The following STARD9 variants were observed in gnomAD, a reference collection of about 807,000 sequenced individuals.
STARD9 encodes the protein stAR-related lipid transfer protein 9.
Under a neutral mutation model 399.8 loss-of-function variants are expected in STARD9, and 346 were observed. That is an observed-to-expected ratio of 0.87 (90% CI 0.79 to 0.95). The LOEUF (loss-of-function observed/expected upper bound fraction) is 0.95. Among genes scored for constraint, STARD9 ranks in the 40% least tolerant of loss-of-function variants. STARD9 has a pLI of 0.00. For synonymous variants in STARD9, 2,203 were observed against 2,143.5 expected (o/e 1.03, Z -0.77); for missense variants, 5,832 against 5,667.5 (o/e 1.03, Z -0.93).
chr15:42,659,883 T>C (rs2059959936), intron 9 of STARD9, among the ~76,000 whole-genome samples: 1 of 152,208 alleles, frequency 6.6e-6, no homozygotes, highest in South Asian at 2.1e-4. Context: ...CTTAGGTGTT[T>C]ATCCAAGAGC....
At chr15:42,656,316 C>T (rs2059869649) in intron 9 of STARD9, among the ~76,000 whole-genome samples, 1 of 115,388 alleles carries the variant, frequency 8.7e-6, no homozygotes, top group Non-Finnish European at 1.7e-5. Context: ...CACTGCACTC[C>T]AGCCATCTCC....
intron 26 of STARD9, among the ~76,000 whole-genome samples, chr15:42,701,928 G>C (rs891809220): frequency 1.8e-4 from 26 of 148,490 alleles, no homozygotes; most frequent in African/African-American, 5.5e-4. Context: ...CGGGAGGGTG[G>C]AGGTTGCAGT....
At chr15:42,622,975 G>C (rs1251826593) in intron 3 of STARD9, among the ~76,000 whole-genome samples, 1 of 152,150 alleles carries the variant, frequency 6.6e-6, no homozygotes, top group Non-Finnish European at 1.5e-5. Flanking sequence ...ATCAGGGCCA[G>C]GCGTGGTAGC....
chr15:42,682,709 C>T lies in STARD9; in HGVS notation c.2537+134C>T, dbSNP rs143379946. On this transcript the variant is annotated intron_variant, in intron 22 of 32. Coordinates refer to ENST00000290607, the MANE Select transcript of STARD9 (RefSeq NM_020759.3). ...GAAGAATGTGTATATTTCTCTCTTC[C>T]TCATGACTTTTTCCATCTTCTGGTT... 4,917 of 743,860 alleles carry T rather than the reference C, an allele frequency of 6.6e-3. 26 individuals are homozygous for T. The highest frequency in any genetic ancestry group is 9.0e-3 in the Non-Finnish European group (4,222 of 469,764). The allele number at this position is 743,860 out of a possible 1,614,324, so 46.1% of individuals were successfully genotyped here.
chr15:42,581,458 G>A (rs1045398891), intron 1 of STARD9: 1 of 1,529,514 alleles, frequency 6.5e-7, no homozygotes, highest in South Asian at 1.2e-5. Flanking sequence ...CTCTGGCTGG[G>A]CTGGTGGCCG....
chr15:42,707,660 C>T (rs1323538795), intron 26 of STARD9, among the ~76,000 whole-genome samples: 2 of 151,868 alleles, frequency 1.3e-5, no homozygotes, highest in South Asian at 2.1e-4. Flanking sequence ...TTAGTGGAGA[C>T]GGACTTTTAC....
rs749803291 is a variant in STARD9, at chr15:42,584,823, C to T, written c.118-698C>T. On this transcript the variant is annotated intron_variant, in intron 2 of 32. Coordinates refer to ENST00000290607, the MANE Select transcript of STARD9 (RefSeq NM_020759.3). ...TCAGGCACCATGGCCAAACTACTCA[C>T]GTACTCCCAGTATCCTCTGCAGAAA... 3.3e-5 allele frequency among the ~76,000 whole-genome samples: 5 copies of T among 152,164 alleles called. No individual in the cohort carries two copies. In the East Asian group the frequency reaches 7.7e-4, roughly 23 times the overall value.
chr15:42,637,079 T>TG (rs1555394893), intron 4 of STARD9, among the ~76,000 whole-genome samples: 2 of 144,294 alleles, frequency 1.4e-5, no homozygotes, highest in Non-Finnish European at 3.0e-5. Context: ...AAATAATAAT[T>TG]AAAAAAAAAA....
chr15:42,692,433 A>G lies in STARD9; in HGVS notation c.10855A>G (p.Met3619Val). 1.3e-6 allele frequency: 2 copies of G among 1,537,106 alleles called. No individual in the cohort carries two copies. Among genetic ancestry groups the G allele is most frequent in the Non-Finnish European group, 1.7e-6 (2 of 1,146,902 alleles). ...GSAAGPVDEI[M>V]LLYPSEAGCP... The stretch of plus-strand genomic sequence containing the variant: ...TGCTGCAGGTCCAGTGGATGAGATT[A>G]TGCTGCTGTATCCATCAGAGGCAGG... The change falls in exon 23 of 33, where the codon ATG (methionine) becomes GTG (valine). Residue 3619 changes from methionine (M) to valine (V), a missense_variant. Coordinates refer to ENST00000290607, the MANE Select transcript of STARD9 (RefSeq NM_020759.3).
Position 42,663,853 on chromosome 15 carries a change from C to T in STARD9, c.1112C>T (p.Thr371Ile), listed in dbSNP as rs2060037323. The T allele has an allele frequency of 5.9e-6, 9 of 1,536,848 alleles. No homozygotes were observed. Among genetic ancestry groups the T allele is most frequent in the Non-Finnish European group, 7.8e-6 (9 of 1,146,656 alleles). Residue 371 changes from threonine (T) to isoleucine (I), a missense_variant, in exon 13 of 33, where the codon ACC becomes ATC. Coordinates refer to ENST00000290607, the MANE Select transcript of STARD9 (RefSeq NM_020759.3). ...CCTGCACACACTAGCTACAGTGAGA[C>T]CATGAGCACACTGAGATATGCATCC... ...VSPAHTSYSETMSTLRYASSA... is the reference protein window; with the variant it reads ...VSPAHTSYSEIMSTLRYASSA...
chr15:42,686,188 G>C lies in STARD9; in HGVS notation c.4610G>C (p.Arg1537Thr). The C allele has an allele frequency of 1.3e-6, 2 of 1,537,548 alleles. No homozygotes were observed. The highest frequency in any genetic ancestry group is 1.4e-5 in the African/African-American group (1 of 73,162). Residue 1537 changes from arginine to threonine, a missense_variant, in exon 23 of 33, where the codon AGG (arginine) becomes ACG (threonine). Arg to Thr is a moderately conservative substitution (Grantham distance 71). This residue lies in a region of STARD9 where 5,828 missense variants were observed against 5,651.1 expected (regional missense o/e 1.03). Coordinates refer to ENST00000290607, the MANE Select transcript of STARD9 (RefSeq NM_020759.3). ...GGDTLLPVGPRVSSNLNLNNF... is the reference protein window; with the variant it reads ...GGDTLLPVGPTVSSNLNLNNF... ...GATACTCTATTGCCAGTTGGCCCTA[G>C]GGTATCTAGCAATCTGAATCTCAAC... is the stretch of plus-strand genomic sequence containing the variant.
Position 42,695,267 on chromosome 15 carries a change from C to T in STARD9, c.13090C>T (p.Arg4364Trp), listed in dbSNP as rs1009134788. 3.3e-5 allele frequency: 50 copies of T among 1,537,008 alleles called. No individual in the cohort carries two copies. Among genetic ancestry groups the T allele is most frequent in the Non-Finnish European group, 4.2e-5 (48 of 1,146,850 alleles). The change falls in exon 25 of 33, where the codon CGG (arginine) becomes TGG (tryptophan). Residue 4364 changes from arginine (R) to tryptophan (W), a missense_variant. Physicochemically the swap from Arg to Trp is moderately radical, Grantham distance 101. This residue lies in a region of STARD9 where 5,828 missense variants were observed against 5,651.1 expected (regional missense o/e 1.03). Coordinates refer to ENST00000290607, the MANE Select transcript of STARD9 (RefSeq NM_020759.3). ...IARARDQLRERTEQEKLRIHQ... is the reference protein window; with the variant it reads ...IARARDQLREWTEQEKLRIHQ... ...CCGGGCCCGAGACCAACTGCGGGAG[C>T]GGACTGAACAAGAGAAGCTGAGAAT...
Position 42,695,839 on chromosome 15 carries a change from A to G in STARD9, c.13243A>G (p.Ser4415Gly). 6.5e-7 allele frequency: 1 copy of G among 1,537,280 alleles called. No homozygotes were observed. Among genetic ancestry groups the G allele is most frequent in the Non-Finnish European group, 8.7e-7 (1 of 1,146,892 alleles). ...TGGCATGACCTCTGGCTATAATAGC[A>G]GCCCAGCCTTGTCAGGCCAGCTCCA... ...SSGMTSGYNS[S>G]PALSGQLQFP... Residue 4415 changes from serine to glycine, a missense_variant, in exon 26 of 33, where the codon AGC becomes GGC. By Grantham distance (56) the Ser-to-Gly change is moderately conservative. Coordinates refer to ENST00000290607, the MANE Select transcript of STARD9 (RefSeq NM_020759.3).
At position 42,675,980 on chromosome 15, in the gene STARD9, G is replaced by A. The variant is rs937962296; in HGVS notation, c.1874+5G>A. The A allele has an allele frequency of 3.0e-6, 4 of 1,331,772 alleles. No homozygotes were observed. The African/African-American group carries it at 4.7e-5, about 16-fold the overall frequency. 82.5% of individuals were successfully genotyped at this position (1,331,772 alleles called of 1,614,324 possible). The stretch of plus-strand genomic sequence containing the variant: ...CCCTTTGCTTTGGAAGGAAAGGTAA[G>A]AAATAGCTGCTTATACTGATGTGGA... On this transcript the variant is annotated splice_donor_5th_base_variant and intron_variant, in intron 20 of 32. Transcript: ENST00000290607.
At chr15:42,608,739 AAT>A (rs2058787036) in intron 3 of STARD9, among the ~76,000 whole-genome samples, 1 of 152,214 alleles carries the variant, frequency 6.6e-6, no homozygotes, top group Admixed American at 6.5e-5. Context: ...CACAATCAAA[AAT>A]ATGAAAACGG....
intron 28 of STARD9, 109 bp from the exon 29 acceptor site, chr15:42,717,622 C>G (rs982262440): frequency 1.0e-6 from 1 of 984,530 alleles, no homozygotes; most frequent in Admixed American, 2.0e-5. Context: ...TAGACCCTGT[C>G]TCAAAAAAAA....
In STARD9 at chr15:42,685,840, C is replaced by G. The variant is rs553146473; in HGVS notation, c.4262C>G (p.Ser1421Cys). 11 of 1,537,148 alleles carry G rather than the reference C, an allele frequency of 7.2e-6. No homozygotes were observed. The East Asian group carries it at 2.7e-4, about 38-fold the overall frequency. Reference sequence around the variant, plus strand: ...CACACAGCCTCTGCTGCTGATACGTCTAGGCTGTCTCTCTGGGGAATTCAA... The same window carrying G: ...CACACAGCCTCTGCTGCTGATACGTGTAGGCTGTCTCTCTGGGGAATTCAA... Reference protein sequence around the residue: ...DEHTASAADTSRLSLWGIQRL... With the variant: ...DEHTASAADTCRLSLWGIQRL... Residue 1421 changes from serine (S) to cysteine (C), a missense_variant, in exon 23 of 33, where the codon TCT becomes TGT. By Grantham distance (112) the Ser-to-Cys change is moderately radical (BLOSUM62 -1). Coordinates refer to ENST00000290607, the MANE Select transcript of STARD9 (RefSeq NM_020759.3).
chr15:42,659,619 T>G (rs1227011079), intron 9 of STARD9, among the ~76,000 whole-genome samples: 1 of 152,198 alleles, frequency 6.6e-6, no homozygotes, highest in East Asian at 1.9e-4. Flanking sequence ...CTCTGCCTCC[T>G]GGCTTCATGC....
At chr15:42,708,756 A>G (rs1361175704) in intron 26 of STARD9, among the ~76,000 whole-genome samples, 1 of 151,928 alleles carries the variant, frequency 6.6e-6, no homozygotes, top group East Asian at 1.9e-4. Flanking sequence ...CATGTATGTG[A>G]AAACCCGATC....
Sources: gnomAD v4.1 joint callset for allele counts (sites outside exome capture counted in the v4.1 genomes callset) on GRCh38, gnomAD v4.1.1 for gene constraint, gnomAD v4.1.1 regional missense constraint, MANE v1.5 for transcripts, NCBI Gene and HGNC (gene_info 2026-07-23, HGNC 2026-07-21) for gene names.